CNTNAP4: variants seen among roughly 807,000 people sequenced by gnomAD.
CNTNAP4 encodes contactin associated protein family member 4.
A neutral mutation model predicts 148.4 loss-of-function variants in CNTNAP4; 98 were observed. The ratio of observed to expected loss-of-function variants is 0.66; its 90% CI spans 0.56 to 0.78. The LOEUF is 0.78. CNTNAP4 is among the 30% of genes least tolerant of loss of function. CNTNAP4 has a pLI of 0.00. For synonymous variants in CNTNAP4, 730 were observed against 565.1 expected (o/e 1.29, Z -4.14); for missense variants, 1,935 against 1,565.6 (o/e 1.24, Z -3.98).
At chr16:76,427,390 G>A (rs1460718022) in intron 3 of CNTNAP4, 62 bp from the exon 4 acceptor site, 1 of 1,437,964 alleles carries the variant, frequency 7.0e-7, no homozygotes, top group South Asian at 1.3e-5. Flanking sequence ...GACATTATAG[G>A]TGACAAGCTG....
In CNTNAP4 at chr16:76,560,470, T is replaced by G. The variant is rs940440673; in HGVS notation, c.*1787T>G. On this transcript the variant is annotated 3_prime_UTR_variant, in exon 24 of 24. Transcript: ENST00000611870. The stretch of plus-strand genomic sequence containing the variant: ...AGATCTATGGTGACAAGGGAAGGAT[T>G]TAACATAGAAATGGCATTATTTATT... Among the ~76,000 whole-genome samples the G allele has an allele frequency of 6.6e-6, 1 of 152,200 alleles. No individual in the cohort carries two copies. The highest frequency in any genetic ancestry group is 2.4e-5 in the African/African-American group (1 of 41,448).
intron 3 of CNTNAP4, among the ~76,000 whole-genome samples, chr16:76,363,277 C>G (rs538591730): frequency 1.0e-3 from 158 of 151,844 alleles, no homozygotes; most frequent in African/African-American, 3.7e-3. Flanking sequence ...ATTCTCCTGC[C>G]TCAGCCTCCT....
intron 1 of CNTNAP4, among the ~76,000 whole-genome samples, chr16:76,297,877 C>G (rs1415987574): frequency 2.6e-5 from 4 of 152,082 alleles, no homozygotes; most frequent in African/African-American, 7.2e-5. Flanking sequence ...CCTGATAAAC[C>G]AGATACTAAA....
At chr16:76,463,747 G>T (rs1176472458) in intron 9 of CNTNAP4, among the ~76,000 whole-genome samples, 3 of 152,084 alleles carry the variant, frequency 2.0e-5, no homozygotes, top group South Asian at 2.1e-4. Context: ...ATGCATGTCT[G>T]TCCCTTGTAT....
intron 15 of CNTNAP4, among the ~76,000 whole-genome samples, chr16:76,513,732 T>C (rs7200930): frequency 0.53 from 81,123 of 151,984 alleles, 23,725 homozygotes; most frequent in Middle Eastern, 0.72. Context: ...ATGCAGGAAG[T>C]TATTAAGAAC....
At chr16:76,388,589 G>C (rs955206589) in intron 3 of CNTNAP4, among the ~76,000 whole-genome samples, 1 of 152,164 alleles carries the variant, frequency 6.6e-6, no homozygotes, top group Non-Finnish European at 1.5e-5. Flanking sequence ...GTCATCTCCT[G>C]TAATACTGTG....
intron 3 of CNTNAP4, among the ~76,000 whole-genome samples, chr16:76,409,338 G>A (rs2078711127): frequency 6.6e-6 from 1 of 151,870 alleles, no homozygotes; most frequent in Non-Finnish European, 1.5e-5. Context: ...AGAGTTTAAA[G>A]TACGTATACA....
In CNTNAP4 at chr16:76,448,895, C is replaced by A; in HGVS notation, c.871C>A (p.His291Asn). Residue 291 changes from histidine to asparagine, a missense_variant, in exon 6 of 24, where the codon CAC becomes AAC. Coordinates refer to ENST00000611870, the MANE Select transcript of CNTNAP4 (RefSeq NM_033401.5). ...ACAAGTCAACTTCACAGTGGACGAA[C>A]ACAGGCATCATTTCCATGCACGGGG... is the stretch of plus-strand genomic sequence containing the variant. ...GKQVNFTVDE[H>N]RHHFHARGEF... 1.9e-6 allele frequency: 3 copies of A among 1,613,804 alleles called. No individual in the cohort carries two copies. The highest frequency in any genetic ancestry group is 2.5e-6 in the Non-Finnish European group (3 of 1,179,844).
chr16:76,370,256 C>T (rs116379407), intron 3 of CNTNAP4, among the ~76,000 whole-genome samples: 2,408 of 143,876 alleles, frequency 0.017, 63 homozygotes, highest in African/African-American at 0.068. Flanking sequence ...TTCATATGTG[C>T]AGCATGTCAT....
At chr16:76,342,465 C>CTTTTTTTT (rs397854943) in intron 2 of CNTNAP4, among the ~76,000 whole-genome samples, 70 of 91,510 alleles carry the variant, frequency 7.6e-4, no homozygotes, top group Non-Finnish European at 9.3e-4. Flanking sequence ...TTGCTAATTT[C>CTTTTTTTT]TTTTTTTTTT....
At chr16:76,534,949 T>C (rs183272090) in intron 17 of CNTNAP4, among the ~76,000 whole-genome samples, 62 of 152,292 alleles carry the variant, frequency 4.1e-4, no homozygotes, top group Middle Eastern at 3.4e-3. Flanking sequence ...TTGTTAAGAA[T>C]CTTTCCAAGC....
At chr16:76,526,720 C>G (rs528398414) in intron 17 of CNTNAP4, among the ~76,000 whole-genome samples, 17 of 152,282 alleles carry the variant, frequency 1.1e-4, no homozygotes, top group South Asian at 2.1e-4. Context: ...GTCACTCAAA[C>G]TGGAGTGCAG....
chr16:76,413,689 T>A (rs757703215), intron 3 of CNTNAP4, among the ~76,000 whole-genome samples: 1 of 151,386 alleles, frequency 6.6e-6, no homozygotes, highest in Non-Finnish European at 1.5e-5. Flanking sequence ...TTGGTTTGAA[T>A]TTGGTAGAAT....
chr16:76,317,634 T>G (rs570962032), intron 2 of CNTNAP4, among the ~76,000 whole-genome samples: 5 of 152,334 alleles, frequency 3.3e-5, no homozygotes, highest in African/African-American at 4.8e-5. Flanking sequence ...CTTCTAATTT[T>G]ACTCTTTGAT....
chr16:76,482,096 T>G (rs2081854353), intron 12 of CNTNAP4, among the ~76,000 whole-genome samples: 1 of 152,068 alleles, frequency 6.6e-6, no homozygotes, highest in African/African-American at 2.4e-5. Flanking sequence ...CAACTGCTCC[T>G]GGGTTAGGGA....
chr16:76,557,313 A>G (rs1250799357), intron 23 of CNTNAP4: 2 of 152,204 alleles, frequency 1.3e-5, no homozygotes, highest in Non-Finnish European at 2.9e-5. Context: ...CCAAGTCTGA[A>G]CAACCATAGT....
At chr16:76,364,462 A>G (rs1458743179) in intron 3 of CNTNAP4, among the ~76,000 whole-genome samples, 2 of 152,032 alleles carry the variant, frequency 1.3e-5, no homozygotes, top group Non-Finnish European at 2.9e-5. Flanking sequence ...TTCATTTTCA[A>G]ATAATCAACC....
intron 4 of CNTNAP4, among the ~76,000 whole-genome samples, chr16:76,442,844 A>G (rs2080097312): frequency 6.6e-6 from 1 of 152,114 alleles, no homozygotes; most frequent in Admixed American, 6.6e-5. Context: ...TTTGGTGGAG[A>G]CAAACCACAT....
intron 21 of CNTNAP4, among the ~76,000 whole-genome samples, chr16:76,542,489 G>A (rs1215060685): frequency 6.6e-6 from 1 of 152,142 alleles, no homozygotes; most frequent in Admixed American, 6.5e-5. Flanking sequence ...TTAACTGTGG[G>A]ACCCATCTAC....
Sources: gnomAD v4.1 joint callset for allele counts (sites outside exome capture counted in the v4.1 genomes callset) on GRCh38, gnomAD v4.1.1 for gene constraint, MANE v1.5 for transcripts, NCBI Gene and HGNC (gene_info 2026-07-23, HGNC 2026-07-21) for gene names.